ARNT2: variants seen among roughly 807,000 people sequenced by gnomAD.
ARNT2 encodes ARNT protein 2.
In ARNT2, 36 loss-of-function variants were observed where a neutral mutation model predicts 91.7. The ratio of observed to expected loss-of-function variants is 0.39; its 90% CI spans 0.30 to 0.52. ARNT2 has a LOEUF of 0.52. ARNT2 is among the 20% of genes least tolerant of loss of function. ARNT2 has a pLI of 0.72. For synonymous variants in ARNT2, 365 were observed against 347.1 expected (o/e 1.05, Z -0.57); for missense variants, 775 against 939.3 (o/e 0.83, Z 2.29).
chr15:80,501,058 C>A (rs939405523), intron 5 of ARNT2, among the ~76,000 whole-genome samples: 3 of 152,126 alleles, frequency 2.0e-5, no homozygotes, highest in Non-Finnish European at 2.9e-5. Flanking sequence ...GCATAGTTCC[C>A]TGTGAGCTTT....
chr15:80,493,823 C>T lies in ARNT2; in HGVS notation c.623-14333C>T, dbSNP rs139749447. On this transcript the variant is annotated intron_variant, in intron 5 of 18. Transcript: ENST00000303329. ...GAGATGGGGCCTGGTGGGAGATATT[C>T]GGATCATGAGGGCAGATCCCTCACT... 1.6e-3 allele frequency among the ~76,000 whole-genome samples: 237 copies of T among 152,226 alleles called. 3 individuals carry two copies. In the East Asian group the frequency reaches 0.02, roughly 13 times the overall value.
chr15:80,418,411 T>C (rs530007246), intron 1 of ARNT2, among the ~76,000 whole-genome samples: 1 of 152,358 alleles, frequency 6.6e-6, no homozygotes, highest in East Asian at 1.9e-4. Flanking sequence ...TGCTTCCTCC[T>C]GTCCCTGTTG....
intron 1 of ARNT2, among the ~76,000 whole-genome samples, chr15:80,421,284 A>G (rs566704433): frequency 2.0e-5 from 3 of 152,252 alleles, no homozygotes; most frequent in Non-Finnish European, 4.4e-5. Context: ...AAAAAACTAT[A>G]TATTGAGTAC....
Position 80,421,305 on chromosome 15 carries a change from A to G in ARNT2, c.31+16759A>G, listed in dbSNP as rs554350583. ...CTATATATTGAGTACAATGCACACT[A>G]CTTGGGCAACAAGTACACTAAAATT... On this transcript the variant is annotated intron_variant, in intron 1 of 18. Transcript: ENST00000303329. 8.4e-4 allele frequency among the ~76,000 whole-genome samples: 128 copies of G among 152,150 alleles called. 1 individual carries two copies. The highest frequency in any genetic ancestry group is 1.5e-3 in the Admixed American group (23 of 15,274).
chr15:80,443,768 C>A (rs1023200549), intron 1 of ARNT2, among the ~76,000 whole-genome samples: 1 of 152,176 alleles, frequency 6.6e-6, no homozygotes, highest in African/African-American at 2.4e-5. Flanking sequence ...CATAGAAGGT[C>A]AGGGGCAGAA....
chr15:80,585,073 C>T (rs899661339), intron 17 of ARNT2, among the ~76,000 whole-genome samples: 4 of 152,254 alleles, frequency 2.6e-5, no homozygotes, highest in African/African-American at 9.6e-5. Context: ...CTGTGAAACA[C>T]ATGCTGGTTT....
chr15:80,447,500 A>C (rs1157405596), intron 1 of ARNT2, among the ~76,000 whole-genome samples: 1 of 152,216 alleles, frequency 6.6e-6, no homozygotes, highest in Non-Finnish European at 1.5e-5. Context: ...CTGAAGGTTT[A>C]GCCAACTTTG....
intron 18 of ARNT2, among the ~76,000 whole-genome samples, chr15:80,592,380 G>A (rs1893295871): frequency 6.6e-6 from 1 of 152,218 alleles, no homozygotes; most frequent in South Asian, 2.1e-4. Context: ...TCAAATGGAG[G>A]TACGAGCCCA....
chr15:80,505,457 C>G (rs996888560), intron 5 of ARNT2, among the ~76,000 whole-genome samples: 1 of 152,206 alleles, frequency 6.6e-6, no homozygotes, highest in African/African-American at 2.4e-5. Context: ...GGTGACTGAT[C>G]AGATGTTGGA....
intron 8 of ARNT2, among the ~76,000 whole-genome samples, chr15:80,540,755 C>G (rs1441905867): frequency 1.3e-5 from 2 of 152,082 alleles, no homozygotes; most frequent in African/African-American, 4.8e-5. Flanking sequence ...GTATTTGGCT[C>G]TCTGTTCCTG....
At chr15:80,421,439 G>T (rs960658938) in intron 1 of ARNT2, among the ~76,000 whole-genome samples, 1 of 146,348 alleles carries the variant, frequency 6.8e-6, no homozygotes, top group Non-Finnish European at 1.5e-5. Flanking sequence ...GAGGGAGGGA[G>T]GGAAAGAAAG....
intron 1 of ARNT2, among the ~76,000 whole-genome samples, chr15:80,449,960 G>A (rs1337529526): frequency 6.6e-6 from 1 of 152,214 alleles, no homozygotes; most frequent in Non-Finnish European, 1.5e-5. Flanking sequence ...CACTGTGGAA[G>A]TCGTTCCCAA....
intron 17 of ARNT2, among the ~76,000 whole-genome samples, chr15:80,585,044 G>T (rs1240158059): frequency 1.3e-5 from 2 of 152,230 alleles, no homozygotes; most frequent in African/African-American, 4.8e-5. Flanking sequence ...AAACGCCCCT[G>T]CCTGGGTCTC....
chr15:80,577,348 A>G (rs1898694624), intron 15 of ARNT2, among the ~76,000 whole-genome samples: 1 of 152,194 alleles, frequency 6.6e-6, no homozygotes, highest in Admixed American at 6.5e-5. Flanking sequence ...TCCAAGGAAG[A>G]CTGGTCAGCT....
At position 80,580,526 on chromosome 15, in the gene ARNT2, A is replaced by G; in HGVS notation, c.1729A>G (p.Ser577Gly). ...CCAGAGTCAGGTGGCATGGACAGGG[A>G]GTCGTCCGCCCTTTCCGGGACAGGT... Reference protein sequence around the residue: ...LNQSQVAWTGSRPPFPGQQIP... With the variant: ...LNQSQVAWTGGRPPFPGQQIP... Residue 577 changes from serine to glycine, a missense_variant, in exon 16 of 19, where the codon AGT becomes GGT. Physicochemically the swap from Ser to Gly is moderately conservative, Grantham distance 56. Coordinates refer to ENST00000303329, the MANE Select transcript of ARNT2 (RefSeq NM_014862.4). The G allele has an allele frequency of 6.2e-7, 1 of 1,614,110 alleles. No individual in the cohort carries two copies. Among genetic ancestry groups the G allele is most frequent in the South Asian group, 1.1e-5 (1 of 91,074 alleles).
At position 80,580,459 on chromosome 15, in the gene ARNT2, T is replaced by C. The variant is rs1340983484; in HGVS notation, c.1662T>C (p.Ser554=). Reference sequence around the variant, plus strand: ...GAGTGAATGATATTCAGTCCTCTTCTTCCACGGGCCAGAACATGTCCCAAA... The same window carrying C: ...GAGTGAATGATATTCAGTCCTCTTCCTCCACGGGCCAGAACATGTCCCAAA... ...VPGVNDIQSS[S]STGQNMSQIS... Residue 554 remains serine (S), a synonymous_variant, in exon 16 of 19, where the codon TCT becomes TCC. Transcript: ENST00000303329. 1 of 1,614,138 alleles carries C rather than the reference T, an allele frequency of 6.2e-7. No individual in the cohort carries two copies.
intron 1 of ARNT2, among the ~76,000 whole-genome samples, chr15:80,406,281 A>T (rs1895600148): frequency 6.6e-6 from 1 of 152,224 alleles, no homozygotes; most frequent in Non-Finnish European, 1.5e-5. Context: ...CTCTTGGAAG[A>T]ACAGACAAGG....
intron 1 of ARNT2, among the ~76,000 whole-genome samples, chr15:80,443,723 G>A (rs751922332): frequency 8.5e-5 from 13 of 152,198 alleles, no homozygotes; most frequent in Non-Finnish European, 1.2e-4. Context: ...AAAACCAGGC[G>A]AAAATGCTTG....
intron 5 of ARNT2, among the ~76,000 whole-genome samples, chr15:80,504,567 A>G (rs907458107): frequency 6.6e-6 from 1 of 152,164 alleles, no homozygotes; most frequent in Admixed American, 6.5e-5. Context: ...CAGGAGTTCA[A>G]GACCTGACTG....
Sources: allele counts gnomAD v4.1 joint callset (sites outside exome capture counted in the v4.1 genomes callset), GRCh38; gene constraint gnomAD v4.1.1; transcripts MANE v1.5; gene names NCBI Gene and HGNC (gene_info 2026-07-23, HGNC 2026-07-21).